The following MYO5B variants were observed in gnomAD, a reference collection of about 807,000 sequenced individuals.
MYO5B encodes the protein unconventional myosin-Vb.
Under a neutral mutation model 229.3 loss-of-function variants are expected in MYO5B, and 143 were observed. The observed-to-expected ratio is 0.62, with a 90% CI of 0.54 to 0.72. The LOEUF (loss-of-function observed/expected upper bound fraction) is 0.72. MYO5B is among the 30% of genes least tolerant of loss of function. MYO5B has a pLI of 0.00. For synonymous variants in MYO5B, 918 were observed against 885.2 expected (o/e 1.04, Z -0.66); for missense variants, 2,321 against 2,331.0 (o/e 1.00, Z 0.09).
At chr18:50,045,220 G>A (rs1288637876) in intron 2 of MYO5B, among the ~76,000 whole-genome samples, 1 of 152,162 alleles carries the variant, frequency 6.6e-6, no homozygotes, top group East Asian at 1.9e-4. Flanking sequence ...CAATTTGTGA[G>A]GAAAGCCACC....
At chr18:49,851,289 C>A (rs138656070) in intron 31 of MYO5B, among the ~76,000 whole-genome samples, 40 of 152,294 alleles carry the variant, frequency 2.6e-4, no homozygotes, top group African/African-American at 9.4e-4. Flanking sequence ...AGATCCATGT[C>A]ACTAACGGTG....
intron 12 of MYO5B, among the ~76,000 whole-genome samples, chr18:49,955,342 T>C (rs2025480870): frequency 6.6e-6 from 1 of 152,230 alleles, no homozygotes; most frequent in Non-Finnish European, 1.5e-5. Context: ...TTGTCAAGGA[T>C]GACAGCAACT....
At chr18:50,070,567 C>T (rs1477649479) in intron 1 of MYO5B, among the ~76,000 whole-genome samples, 1 of 151,944 alleles carries the variant, frequency 6.6e-6, no homozygotes, top group Non-Finnish European at 1.5e-5. Context: ...CGCAGGATAG[C>T]CCTTGACAAC....
intron 1 of MYO5B, among the ~76,000 whole-genome samples, chr18:50,058,814 G>GA (rs1452137429): frequency 2.7e-4 from 40 of 150,824 alleles, no homozygotes; most frequent in African/African-American, 7.5e-4. Context: ...CTGTCTCGGA[G>GA]AAAAAAAAAC....
chr18:50,164,820 T>C (rs767513807), intron 1 of MYO5B, among the ~76,000 whole-genome samples: 5 of 152,242 alleles, frequency 3.3e-5, no homozygotes, highest in African/African-American at 9.6e-5. Flanking sequence ...TCTCTGATGC[T>C]TCTTAAAAAT....
At chr18:49,977,897 A>G (rs1432430111) in intron 9 of MYO5B, among the ~76,000 whole-genome samples, 2 of 152,178 alleles carry the variant, frequency 1.3e-5, no homozygotes, top group African/African-American at 4.8e-5. Flanking sequence ...GGTTATCCAC[A>G]CTTTACAGAA....
intron 16 of MYO5B, among the ~76,000 whole-genome samples, chr18:49,932,882 G>C (rs1459591414): frequency 6.6e-6 from 1 of 152,118 alleles, no homozygotes; most frequent in Non-Finnish European, 1.5e-5. Flanking sequence ...TTCACTATTA[G>C]GTGACTAGGA....
intron 1 of MYO5B, among the ~76,000 whole-genome samples, chr18:50,106,243 T>TCAC (rs1046096216): frequency 1.3e-5 from 2 of 152,224 alleles, no homozygotes; most frequent in African/African-American, 4.8e-5. Context: ...TGTCCAGGTC[T>TCAC]CACCTTTTCT....
chr18:49,897,336 A>G (rs2024790105), intron 21 of MYO5B, among the ~76,000 whole-genome samples: 2 of 152,280 alleles, frequency 1.3e-5, no homozygotes, highest in South Asian at 4.1e-4. Context: ...GTGGAACAAG[A>G]TATGGAGGTG....
intron 1 of MYO5B, among the ~76,000 whole-genome samples, chr18:50,172,732 C>T (rs2032937056): frequency 6.6e-6 from 1 of 152,180 alleles, no homozygotes; most frequent in Non-Finnish European, 1.5e-5. Context: ...CTCTCAAGGA[C>T]CTCAGGATCC....
intron 14 of MYO5B, among the ~76,000 whole-genome samples, chr18:49,941,950 A>G (rs1285444324): frequency 8.3e-6 from 1 of 120,738 alleles, no homozygotes; most frequent in Non-Finnish European, 1.8e-5. Context: ...ACAGTAACCA[A>G]AACAGCATGG....
chr18:50,097,699 T>A (rs574514779), intron 1 of MYO5B: 1 of 164,486 alleles, frequency 6.1e-6, no homozygotes. Context: ...AGTCATCAAA[T>A]GACACAAGCC....
At chr18:49,898,957 T>C (rs1026875752) in intron 21 of MYO5B, among the ~76,000 whole-genome samples, 1 of 152,170 alleles carries the variant, frequency 6.6e-6, no homozygotes, top group African/African-American at 2.4e-5. Flanking sequence ...TCTAGCCAGA[T>C]CATGGTTATC....
At chr18:49,918,867 T>C (rs924651391) in intron 17 of MYO5B, among the ~76,000 whole-genome samples, 1 of 152,112 alleles carries the variant, frequency 6.6e-6, no homozygotes, top group Non-Finnish European at 1.5e-5. Flanking sequence ...CTTGGAAGTG[T>C]ACTAGGGATG....
chr18:50,153,541 C>T (rs1309221274), intron 1 of MYO5B, among the ~76,000 whole-genome samples: 5 of 152,200 alleles, frequency 3.3e-5, no homozygotes, highest in Non-Finnish European at 7.3e-5. Context: ...GCCTCCGCCT[C>T]CCGGGTTCAA....
chr18:50,187,772 C>T (rs534849561), intron 1 of MYO5B, among the ~76,000 whole-genome samples: 2 of 152,274 alleles, frequency 1.3e-5, no homozygotes, highest in African/African-American at 4.8e-5. Flanking sequence ...CCATCTTGGC[C>T]TCCCAAAGTG....
At chr18:49,853,919 A>C (rs971821240) in intron 30 of MYO5B, among the ~76,000 whole-genome samples, 3 of 152,256 alleles carry the variant, frequency 2.0e-5, no homozygotes, top group African/African-American at 7.2e-5. Flanking sequence ...TTCAGTGAGC[A>C]TAGTTTAATG....
Position 49,847,256 on chromosome 18 carries a change from C to A in MYO5B, c.4349G>T (p.Arg1450Leu), listed in dbSNP as rs779091130. 6.8e-6 allele frequency: 11 copies of A among 1,613,710 alleles called. No individual in the cohort carries two copies. The highest frequency in any genetic ancestry group is 5.0e-5 in the Admixed American group (3 of 60,002). Residue 1450 changes from arginine to leucine, a missense_variant, in exon 33 of 40, where the codon CGC becomes CTC. Physicochemically the swap from Arg to Leu is moderately radical, Grantham distance 102 (BLOSUM62 -2). Transcript: ENST00000285039. ...AQALAQSERK[R>L]HELNRQVTVQ... ...CGTGACCTGCCTGTTGAGCTCATGGCGCTTCCTCTCACTCTGGGCCAATGC... is the reference window on the plus strand; with the variant it reads ...CGTGACCTGCCTGTTGAGCTCATGGAGCTTCCTCTCACTCTGGGCCAATGC...
rs2024366865 is a variant in MYO5B at position 49,864,179 on chromosome 18, C to A, written c.3805G>T (p.Val1269Leu). The change falls in exon 28 of 40, where the codon GTG (valine) becomes TTG (leucine). Residue 1269 changes from valine to leucine, a missense_variant. Physicochemically the swap from Val to Leu is conservative, Grantham distance 32 (BLOSUM62 1). Coordinates refer to ENST00000285039, the MANE Select transcript of MYO5B (RefSeq NM_001080467.3). Reference protein sequence around the residue: ...EEVLILRTQIVSADQRRLAGR... With the variant: ...EEVLILRTQILSADQRRLAGR... ...GCGAGTCGCCGCTGGTCGGCGCTCA[C>A]GATCTGGGTCCTGAGGATGAGCACC... is the stretch of plus-strand genomic sequence containing the variant. 6.2e-7 allele frequency: 1 copy of A among 1,612,358 alleles called. No individual in the cohort carries two copies. Among genetic ancestry groups the A allele is most frequent in the Non-Finnish European group, 8.5e-7 (1 of 1,180,016 alleles).
Sources: allele counts gnomAD v4.1 joint callset (sites outside exome capture counted in the v4.1 genomes callset), GRCh38; gene constraint gnomAD v4.1.1; transcripts MANE v1.5; gene names NCBI Gene and HGNC (gene_info 2026-07-23, HGNC 2026-07-21).